The following NBAS variants were observed in gnomAD, a reference collection of about 807,000 sequenced individuals.
NBAS encodes NAG/BC035112 fusion.
Under a neutral mutation model 302.5 loss-of-function variants are expected in NBAS, and 219 were observed. The ratio of observed to expected loss-of-function variants is 0.72; its 90% CI spans 0.65 to 0.81. The LOEUF (loss-of-function observed/expected upper bound fraction) is 0.81, where lower values mean the gene tolerates loss of function less well. Among genes scored for constraint, NBAS ranks in the 30% least tolerant of loss-of-function variants. The pLI is 0.00. For missense variants in NBAS, 2,932 were observed against 2,841.6 expected (o/e 1.03, Z -0.72); for synonymous variants, 1,118 against 1,021.6 (o/e 1.09, Z -1.80).
At chr2:15,058,820 C>A in the NBAS span, among the ~76,000 whole-genome samples, 1 of 152,162 alleles carries the variant, frequency 6.6e-6, no homozygotes, top group Non-Finnish European at 1.5e-5. Context: ...ATCTGTTCCA[C>A]CCTTTAGCTG....
chr2:15,158,700 T>C, the NBAS span, among the ~76,000 whole-genome samples: 1 of 152,186 alleles, frequency 6.6e-6, no homozygotes, highest in Admixed American at 6.5e-5. Context: ...GGCTCGACTT[T>C]CCTCACCTTT....
At chr2:14,913,871 G>A in the NBAS span, among the ~76,000 whole-genome samples, 3 of 152,146 alleles carry the variant, frequency 2.0e-5, no homozygotes, top group African/African-American at 7.2e-5. Context: ...GGTGATGAAG[G>A]GATTTCAATC....
the NBAS span, among the ~76,000 whole-genome samples, chr2:14,848,747 C>A: frequency 6.6e-6 from 1 of 151,344 alleles, no homozygotes; most frequent in Non-Finnish European, 1.5e-5. Context: ...GGCAGACTGC[C>A]TCCTCAAGTG....
the NBAS span, among the ~76,000 whole-genome samples, chr2:14,802,325 A>G: frequency 6.7e-6 from 1 of 149,664 alleles, no homozygotes; most frequent in African/African-American, 2.5e-5. Context: ...CAAAGATCAG[A>G]TAGTTGTAGG....
At chr2:14,848,640 A>C in the NBAS span, among the ~76,000 whole-genome samples, 1 of 139,462 alleles carries the variant, frequency 7.2e-6, no homozygotes, top group Non-Finnish European at 1.5e-5. Context: ...AGACAAACAA[A>C]AAGATAGCAG....
At chr2:15,549,599 G>C (rs557553133) in intron 6 of NBAS, among the ~76,000 whole-genome samples, 1 of 152,072 alleles carries the variant, frequency 6.6e-6, no homozygotes. Flanking sequence ...ATGGTGACAC[G>C]CACCTGTAGC....
the NBAS span, among the ~76,000 whole-genome samples, chr2:14,796,951 A>G: frequency 0.56 from 82,481 of 146,540 alleles, 25,569 homozygotes; most frequent in African/African-American, 0.85. Context: ...TTAGCCGGGC[A>G]TGGTGGCGGG....
At chr2:14,791,055 A>G in the NBAS span, among the ~76,000 whole-genome samples, 122 of 152,196 alleles carry the variant, frequency 8.0e-4, no homozygotes, top group African/African-American at 2.5e-3. Context: ...GGGTTTCTCC[A>G]TGTTGGTCAG....
chr2:15,538,777 T>C (rs1166627445), intron 7 of NBAS, among the ~76,000 whole-genome samples: 1 of 152,220 alleles, frequency 6.6e-6, no homozygotes, highest in Non-Finnish European at 1.5e-5. Context: ...CTGTTATGAA[T>C]ATAAAATCAT....
rs1356904277 is a variant in NBAS at position 15,561,324 on chromosome 2, AG to A, written c.-21del. 2.5e-6 allele frequency: 4 copies of A among 1,605,350 alleles called. No individual in the cohort carries two copies. The highest frequency in any genetic ancestry group is 3.4e-6 in the Non-Finnish European group (4 of 1,175,068). On this transcript the variant is annotated 5_prime_UTR_variant, in exon 1 of 52. Coordinates refer to ENST00000281513, the MANE Select transcript of NBAS (RefSeq NM_015909.4). ...CGCCATGTTCGCCGAGGACTCAGGC[AG>A]CGGAGGAGTGTCTCTACGGAATCCC...
chr2:15,390,043 A>T lies in NBAS; in HGVS notation c.3257+4184T>A, dbSNP rs189678340. 6.6e-5 allele frequency among the ~76,000 whole-genome samples: 10 copies of T among 152,340 alleles called. No homozygotes were observed. The East Asian group carries it at 1.9e-3, about 29-fold the overall frequency. On this transcript the variant is annotated intron_variant, in intron 28 of 51. Transcript: ENST00000281513. ...AGCAGAACTGGAAGAAATTCCCAAG[A>T]TCTACGAAGGGTCCCCACGAATATT...
At chr2:14,809,272 G>C in the NBAS span, among the ~76,000 whole-genome samples, 5 of 152,208 alleles carry the variant, frequency 3.3e-5, no homozygotes, top group Non-Finnish European at 7.3e-5. Flanking sequence ...GGGCATAACA[G>C]AGGTCTTCGT....
At chr2:15,302,675 G>T (rs771754429) in intron 40 of NBAS, among the ~76,000 whole-genome samples, 1 of 152,194 alleles carries the variant, frequency 6.6e-6, no homozygotes, top group Non-Finnish European at 1.5e-5. Context: ...TTAATATTAA[G>T]TATCAACTTG....
Position 15,270,867 on chromosome 2 carries a change from T to A in NBAS, c.5724+4617A>T, listed in dbSNP as rs59745894. Among the ~76,000 whole-genome samples the A allele has an allele frequency of 8.1e-3, 1,232 of 152,314 alleles. 22 individuals carry two copies. The highest frequency in any genetic ancestry group is 0.028 in the African/African-American group (1,174 of 41,554). On this transcript the variant is annotated intron_variant, in intron 44 of 51. Transcript: ENST00000281513. ...ACATAGCAAATGCCTAAATACTTCA[T>A]GATTCACTCTGAATCTGACATATGG...
chr2:15,394,493 T>G, intron 27 of NBAS, 144 bp from the exon 28 acceptor site: 1 of 798,304 alleles, frequency 1.3e-6, no homozygotes, highest in Non-Finnish European at 2.0e-6. Flanking sequence ...ATAACGTTGA[T>G]TCTCAGCAAA....
chr2:15,274,858 A>G (rs529720124), intron 44 of NBAS, among the ~76,000 whole-genome samples: 1 of 151,978 alleles, frequency 6.6e-6, no homozygotes, highest in East Asian at 1.9e-4. Flanking sequence ...TCCGTTTCGT[A>G]GGTTCAAGCA....
intron 14 of NBAS, among the ~76,000 whole-genome samples, chr2:15,474,843 G>A (rs1680119695): frequency 6.6e-6 from 1 of 152,114 alleles, no homozygotes; most frequent in Non-Finnish European, 1.5e-5. Flanking sequence ...TTAGAGGTGT[G>A]AGCCACTGAG....
At chr2:15,338,076 A>T (rs957082736) in intron 35 of NBAS, among the ~76,000 whole-genome samples, 1 of 152,230 alleles carries the variant, frequency 6.6e-6, no homozygotes, top group African/African-American at 2.4e-5. Context: ...ATCCTGTAAC[A>T]ACAGACACCA....
At chr2:14,821,134 G>A in the NBAS span, among the ~76,000 whole-genome samples, 10 of 152,042 alleles carry the variant, frequency 6.6e-5, no homozygotes, top group African/African-American at 2.4e-4. Flanking sequence ...CACCGTATTA[G>A]CCAGAATGGT....
Sources: allele counts gnomAD v4.1 joint callset (sites outside exome capture counted in the v4.1 genomes callset), GRCh38; gene constraint gnomAD v4.1.1; transcripts MANE v1.5; gene names NCBI Gene and HGNC (gene_info 2026-07-23, HGNC 2026-07-21).